The following DHX8 variants were observed in gnomAD, a reference collection of about 807,000 sequenced individuals.
DHX8 encodes the protein ATP-dependent RNA helicase DHX8.
A neutral mutation model predicts 140.7 loss-of-function variants in DHX8; 67 were observed. The observed-to-expected ratio is 0.48, with a 90% confidence interval of 0.39 to 0.58. The LOEUF (loss-of-function observed/expected upper bound fraction) is 0.58, where lower values mean the gene tolerates loss of function less well. Ranked by LOEUF, DHX8 falls within the 20% of genes least tolerant of loss-of-function variation. The pLI is 0.00. For missense variants in DHX8, 887 were observed against 1,550.7 expected (o/e 0.57, Z 7.19); for synonymous variants, 533 against 553.2 (o/e 0.96, Z 0.51).
intron 1 of DHX8, among the ~76,000 whole-genome samples, chr17:43,486,870 C>T (rs532014563): frequency 2.0e-3 from 271 of 133,284 alleles, no homozygotes; most frequent in African/African-American, 7.2e-3. Context: ...AGCAAGACTC[C>T]GTCTCAAAAA....
At chr17:43,530,635 T>TGTGA (rs765730921), downstream of DHX8, among the ~76,000 whole-genome samples, 111 of 149,838 alleles carry the variant, frequency 7.4e-4, no homozygotes, top group Admixed American at 1.7e-3. Flanking sequence ...TGTGTGTGTG[T>TGTGA]GACAGAAACA....
Position 43,493,736 on chromosome 17 carries a change from TGTCGGGGAGAC to T in DHX8, c.1063_1073del (p.Val355GlnfsTer2). 1 of 1,614,210 alleles carries T rather than the reference TGTCGGGGAGAC, an allele frequency of 6.2e-7. No individual in the cohort carries two copies. Among genetic ancestry groups the T allele is most frequent in the Non-Finnish European group, 8.5e-7 (1 of 1,180,036 alleles). ...TAAACCCAAATAGACGGCGAAATCT[TGTCGGGGAGAC>T]CAATGAGGAGACCTCAATGCGGAAT... On this transcript the variant is annotated frameshift_variant, in exon 8 of 23. Coordinates refer to ENST00000262415, the MANE Select transcript of DHX8 (RefSeq NM_004941.3). LOFTEE classifies it high-confidence loss of function.
downstream of DHX8, chr17:43,529,492 C>A (rs150661130): frequency 1.3e-6 from 2 of 1,598,896 alleles, no homozygotes; most frequent in East Asian, 2.2e-5. Context: ...TGGGAACATC[C>A]GAGAGGCCCA....
downstream of DHX8, among the ~76,000 whole-genome samples, chr17:43,531,550 A>G (rs1970936858): frequency 1.3e-5 from 2 of 152,220 alleles, no homozygotes; most frequent in Non-Finnish European, 1.5e-5. Flanking sequence ...CTAAAAATAC[A>G]AAAACTAGCT....
chr17:43,512,917 C>A lies in DHX8; in HGVS notation c.2503-445C>A, dbSNP rs73987514. 8.6e-3 allele frequency among the ~76,000 whole-genome samples: 1,313 copies of A among 152,068 alleles called. 25 individuals are homozygous for A. The highest frequency in any genetic ancestry group is 0.03 in the African/African-American group (1,261 of 41,486). ...CTCCCTCTTGTTCCACATACATATT[C>A]CGCAAAATACAAGCAGCTCATTTTT... On this transcript the variant is annotated intron_variant, in intron 16 of 22. Coordinates refer to ENST00000262415, the MANE Select transcript of DHX8 (RefSeq NM_004941.3).
At chr17:43,543,894 A>G (rs1971657202) in intron 3 of DHX8, 2 of 152,180 alleles carry the variant, frequency 1.3e-5, no homozygotes, top group Non-Finnish European at 2.9e-5. Context: ...TCTCACTCCA[A>G]GGATCTAGTC....
At position 43,486,219 on chromosome 17, in the gene DHX8, T is replaced by A. The variant is rs367857108; in HGVS notation, c.148+2034T>A. Among the ~76,000 whole-genome samples, 14 of 152,202 alleles carry A rather than the reference T, an allele frequency of 9.2e-5. No individual in the cohort carries two copies. In the East Asian group the frequency reaches 1.4e-3, roughly 15 times the overall value. On this transcript the variant is annotated intron_variant, in intron 1 of 22. Coordinates refer to ENST00000262415, the MANE Select transcript of DHX8 (RefSeq NM_004941.3). Reference sequence around the variant, plus strand: ...AAAAAAAAAAAAAAAGTACTAATATTGGTTTAATGCAATAGACAGTGTCTT... The same window carrying A: ...AAAAAAAAAAAAAAAGTACTAATATAGGTTTAATGCAATAGACAGTGTCTT...
At chr17:43,500,926 T>C (rs919171444) in intron 11 of DHX8, among the ~76,000 whole-genome samples, 2 of 152,020 alleles carry the variant, frequency 1.3e-5, no homozygotes, top group Admixed American at 6.6e-5. Context: ...AAAATTTTTA[T>C]TCTAAAGGTA....
intron 12 of DHX8, among the ~76,000 whole-genome samples, 188 bp downstream of exon 12, chr17:43,505,013 A>G (rs1449234659): frequency 6.6e-6 from 1 of 152,146 alleles, no homozygotes; most frequent in African/African-American, 2.4e-5. Flanking sequence ...GCGGTAGTGG[A>G]TGCCTATAAT....
chr17:43,508,394 C>G lies in DHX8; in HGVS notation c.2376C>G (p.Ile792Met), dbSNP rs1969608720. 3.7e-6 allele frequency: 6 copies of G among 1,612,036 alleles called. No individual in the cohort carries two copies. Among genetic ancestry groups the G allele is most frequent in the Non-Finnish European group, 5.1e-6 (6 of 1,178,242 alleles). Residue 792 changes from isoleucine to methionine, a missense_variant, in exon 16 of 23, where the codon ATC becomes ATG. Physicochemically the swap from Ile to Met is conservative, Grantham distance 10 (BLOSUM62 1). Transcript: ENST00000262415. ...AAGAAATTGATACTGCTTGTGAGAT[C>G]CTGTATGAAAGAATGAAATCCCTGG... ...GQEEIDTACE[I>M]LYERMKSLGP...
chr17:43,542,423 C>T (rs544864395), intron 3 of DHX8, among the ~76,000 whole-genome samples: 138 of 152,220 alleles, frequency 9.1e-4, no homozygotes, highest in Non-Finnish European at 1.2e-3. Flanking sequence ...ATTCAGGGCT[C>T]CTGACAAGCC....
Position 43,507,782 on chromosome 17 carries a change from A to G in DHX8, c.2110-27A>G, listed in dbSNP as rs368417929. The G allele has an allele frequency of 1.7e-5, 28 of 1,613,716 alleles. No homozygotes were observed. In the Admixed American group the frequency reaches 4.2e-4, roughly 24 times the overall value. ...CCTGTGTCTTTGGGTAGTCCTTTTC[A>G]GTAAGCCACATAATATTTCTCTTCA... On this transcript the variant is annotated intron_variant, in intron 14 of 22. Transcript: ENST00000262415.
chr17:43,491,194 GA>G lies in DHX8; in HGVS notation c.341del (p.Lys114SerfsTer2). 6.5e-7 allele frequency: 1 copy of G among 1,539,224 alleles called. No individual in the cohort carries two copies. The highest frequency in any genetic ancestry group is 8.7e-7 in the Non-Finnish European group (1 of 1,143,492). ...AGTTGTTAAACCTAAAACAGAAAAA[GA>G]AAAGCTGAAGGAACTCTTCCCAGTC... ...DPVVKPKTEK[E>X]KLKELFPVLC... On this transcript the variant is annotated frameshift_variant, in exon 4 of 23. Transcript: ENST00000262415. LOFTEE classifies it high-confidence loss of function.
At chr17:43,505,762 G>A (rs1028382623) in intron 12 of DHX8, among the ~76,000 whole-genome samples, 3 of 151,748 alleles carry the variant, frequency 2.0e-5, no homozygotes, top group African/African-American at 4.8e-5. Context: ...AGAGTGCTTC[G>A]GTACTCTATA....
intron 16 of DHX8, among the ~76,000 whole-genome samples, chr17:43,511,141 C>T (rs1396880812): frequency 6.6e-6 from 1 of 152,066 alleles, no homozygotes; most frequent in Non-Finnish European, 1.5e-5. Flanking sequence ...ACCAGCCTGG[C>T]TGATATGGTG....
At chr17:43,484,678 G>C (rs1385104791) in intron 1 of DHX8, among the ~76,000 whole-genome samples, 1 of 152,186 alleles carries the variant, frequency 6.6e-6, no homozygotes, top group Non-Finnish European at 1.5e-5. Context: ...GCCTCGCTCT[G>C]TTTCCCGGGC....
Position 43,490,174 on chromosome 17 carries a change from T to C in DHX8, c.235-217T>C, listed in dbSNP as rs1375447866. 3.3e-5 allele frequency among the ~76,000 whole-genome samples: 5 copies of C among 152,320 alleles called. No individual in the cohort carries two copies. The East Asian group carries it at 7.7e-4, about 23-fold the overall frequency. On this transcript the variant is annotated intron_variant, in intron 2 of 22. Transcript: ENST00000262415. ...AATAAAATGGTTGCAGGGAGCCTAATAACTTTTCTCCCCAAAGAGTCCTAA... is the reference window on the plus strand; with the variant it reads ...AATAAAATGGTTGCAGGGAGCCTAACAACTTTTCTCCCCAAAGAGTCCTAA...
At chr17:43,535,919 T>C (rs1971219602) in intron 2 of DHX8, among the ~76,000 whole-genome samples, 1 of 152,226 alleles carries the variant, frequency 6.6e-6, no homozygotes, top group African/African-American at 2.4e-5. Context: ...GAGACCATCC[T>C]GGCCAACATG....
chr17:43,509,518 C>G (rs1229517689), intron 16 of DHX8, among the ~76,000 whole-genome samples: 1 of 146,506 alleles, frequency 6.8e-6, no homozygotes, highest in Non-Finnish European at 1.5e-5. Flanking sequence ...GGGTCTCAGT[C>G]TGTCACCCAA....
Sources: gnomAD v4.1 joint callset for allele counts (sites outside exome capture counted in the v4.1 genomes callset) on GRCh38, gnomAD v4.1.1 for gene constraint, MANE v1.5 for transcripts, NCBI Gene and HGNC (gene_info 2026-07-23, HGNC 2026-07-21) for gene names.